Variants in ODAD2 observed in about 807,000 individuals in gnomAD.
The protein encoded by ODAD2 is outer dynein arm docking complex subunit 2, also known as outer dynein arm-docking complex subunit 2.
Under a neutral mutation model 106.8 loss-of-function variants are expected in ODAD2, and 89 were observed. The ratio of observed to expected loss-of-function variants is 0.83; its 90% CI spans 0.70 to 0.99. ODAD2 has a LOEUF of 0.99. ODAD2 is among the 50% of genes least tolerant of loss of function. The pLI is 0.00. For missense variants in ODAD2, 1,168 were observed against 1,238.5 expected (o/e 0.94, Z 0.85); for synonymous variants, 404 against 436.2 (o/e 0.93, Z 0.92).
intron 17 of ODAD2, among the ~76,000 whole-genome samples, chr10:27,892,713 T>C (rs1302121900): frequency 6.6e-6 from 1 of 152,222 alleles, no homozygotes; most frequent in East Asian, 1.9e-4. Context: ...AAAATAATTA[T>C]AACACAAAAG....
At position 27,850,005 on chromosome 10, in the gene ODAD2, C is replaced by A. The variant is rs191771794; in HGVS notation, c.3021+10620G>T. Among the ~76,000 whole-genome samples the A allele has an allele frequency of 3.4e-3, 523 of 152,238 alleles. 2 individuals carry two copies. The highest frequency in any genetic ancestry group is 5.0e-3 in the Non-Finnish European group (340 of 68,024). ...GGGGAACCCGAAGTTCCATGAGTCA[C>A]GGTTTGAAATCTACTAATCAAATGG... On this transcript the variant is annotated intron_variant, in intron 19 of 19. Transcript: ENST00000305242.
At chr10:27,820,413 TG>T in intron 19 of ODAD2, among the ~76,000 whole-genome samples, 1 of 151,054 alleles carries the variant, frequency 6.6e-6, no homozygotes, top group Admixed American at 6.6e-5. Context: ...CATAAACCAA[TG>T]GACTGTGAGT....
intron 2 of ODAD2, among the ~76,000 whole-genome samples, chr10:27,993,970 A>ATGTGTG (rs1247501567): frequency 0.016 from 1,738 of 108,394 alleles, 34 homozygotes; most frequent in African/African-American, 0.051. Context: ...ATATATATAT[A>ATGTGTG]TATATGTGTG....
intron 17 of ODAD2, among the ~76,000 whole-genome samples, chr10:27,891,134 CAG>C (rs1213475942): frequency 6.6e-6 from 1 of 152,158 alleles, no homozygotes; most frequent in Non-Finnish European, 1.5e-5. Context: ...TGAAGTTAAA[CAG>C]AGGGTGATGT....
intron 19 of ODAD2, among the ~76,000 whole-genome samples, chr10:27,846,287 C>T (rs1372829267): frequency 5.3e-5 from 8 of 152,136 alleles, no homozygotes; most frequent in Admixed American, 1.3e-4. Flanking sequence ...AACCGCTCAA[C>T]TACATGGAAA....
chr10:27,815,971 T>C (rs547022204), intron 19 of ODAD2, among the ~76,000 whole-genome samples: 1 of 152,312 alleles, frequency 6.6e-6, no homozygotes, highest in African/African-American at 2.4e-5. Flanking sequence ...ATGAATCTCT[T>C]TCCAAGTATT....
At chr10:27,827,379 C>CTATATATATATATATATATATA (rs10580710) in intron 19 of ODAD2, among the ~76,000 whole-genome samples, 31 of 132,458 alleles carry the variant, frequency 2.3e-4, no homozygotes, top group African/African-American at 8.1e-4. Flanking sequence ...CACACACACA[C>CTATATATATATATATATATATA]TATATATATA....
At chr10:27,845,606 A>C (rs1381599069) in intron 19 of ODAD2, among the ~76,000 whole-genome samples, 1 of 152,234 alleles carries the variant, frequency 6.6e-6, no homozygotes, top group African/African-American at 2.4e-5. Flanking sequence ...TAAATGCTCC[A>C]ATTAAAAGAC....
chr10:27,857,017 T>C (rs1015958750), intron 19 of ODAD2, among the ~76,000 whole-genome samples: 2 of 152,152 alleles, frequency 1.3e-5, no homozygotes, highest in Non-Finnish European at 2.9e-5. Flanking sequence ...AATTTTTATA[T>C]TGATTATATG....
chr10:27,980,882 A>G (rs1283309827), intron 7 of ODAD2, among the ~76,000 whole-genome samples: 1 of 152,208 alleles, frequency 6.6e-6, no homozygotes, highest in African/African-American at 2.4e-5. Flanking sequence ...ACCAATATTC[A>G]TAGCAGCATT....
intron 2 of ODAD2, among the ~76,000 whole-genome samples, chr10:27,992,499 A>G (rs1015205026): frequency 6.6e-6 from 1 of 152,098 alleles, no homozygotes; most frequent in Admixed American, 6.6e-5. Flanking sequence ...GACCAGTCAG[A>G]GCAACATGGT....
intron 2 of ODAD2, among the ~76,000 whole-genome samples, chr10:27,991,619 G>T (rs183330940): frequency 5.9e-4 from 90 of 152,090 alleles, no homozygotes; most frequent in African/African-American, 2.1e-3. Context: ...CAACAAAAAA[G>T]GGGTAGCTTA....
chr10:27,884,717 T>G (rs1841958102), intron 17 of ODAD2, among the ~76,000 whole-genome samples: 1 of 152,060 alleles, frequency 6.6e-6, no homozygotes, highest in South Asian at 2.1e-4. Flanking sequence ...GGCAAGAGAT[T>G]ACAGGCACAG....
At chr10:27,904,620 C>T (rs1209944999) in intron 17 of ODAD2, among the ~76,000 whole-genome samples, 1 of 152,192 alleles carries the variant, frequency 6.6e-6, no homozygotes, top group Non-Finnish European at 1.5e-5. Context: ...GTCTGTCTGC[C>T]TGTTCACATG....
chr10:27,908,191 C>G (rs904858391), intron 16 of ODAD2, among the ~76,000 whole-genome samples: 1 of 152,048 alleles, frequency 6.6e-6, no homozygotes, highest in African/African-American at 2.4e-5. Context: ...ATTGACTTAC[C>G]TTACCGTATG....
At chr10:27,849,104 T>C (rs1309269387) in intron 19 of ODAD2, among the ~76,000 whole-genome samples, 1 of 152,232 alleles carries the variant, frequency 6.6e-6, no homozygotes, top group African/African-American at 2.4e-5. Context: ...CATGCACACG[T>C]ATGTTTACTG....
chr10:27,876,671 GTCC>G (rs1305271214), intron 17 of ODAD2, among the ~76,000 whole-genome samples: 1 of 152,184 alleles, frequency 6.6e-6, no homozygotes. Flanking sequence ...TCCTCTGGGA[GTCC>G]TCCTACTTAT....
chr10:27,944,439 A>AG lies in ODAD2; in HGVS notation c.1534-9dup, dbSNP rs1488754145. 1 of 1,606,472 alleles carries AG rather than the reference A, an allele frequency of 6.2e-7. No homozygotes were observed. The highest frequency in any genetic ancestry group is 8.5e-7 in the Non-Finnish European group (1 of 1,173,384). On this transcript the variant is annotated splice_polypyrimidine_tract_variant and intron_variant, in intron 11 of 19. Coordinates refer to ENST00000305242, the MANE Select transcript of ODAD2 (RefSeq NM_018076.5). ...TATTTTTAATGAACCAATCTGTGTG[A>AG]GAAAAAAAAAGATGAGTGGCGAATA... is the stretch of plus-strand genomic sequence containing the variant.
intron 16 of ODAD2, 40 bp from the exon 17 acceptor site, chr10:27,907,817 G>A: frequency 2.3e-6 from 3 of 1,284,242 alleles, no homozygotes; most frequent in Non-Finnish European, 3.4e-6. Flanking sequence ...ACTGTCATTA[G>A]TATGTGAAGA....
Sources: allele counts gnomAD v4.1 joint callset (sites outside exome capture counted in the v4.1 genomes callset), GRCh38; gene constraint gnomAD v4.1.1; transcripts MANE v1.5; gene names NCBI Gene and HGNC (gene_info 2026-07-23, HGNC 2026-07-21).